The following EYA4 variants were observed in gnomAD, a reference collection of about 807,000 sequenced individuals.
EYA4 encodes the protein EYA transcriptional coactivator and phosphatase 4, also known as protein phosphatase EYA4.
EYA4 carries 31 observed loss-of-function variants against 87.9 expected under a neutral mutation model. That is an observed-to-expected ratio of 0.35 (90% CI 0.27 to 0.48). The LOEUF (loss-of-function observed/expected upper bound fraction) is 0.48, where lower values mean the gene tolerates loss of function less well. Among genes scored for constraint, EYA4 ranks in the 20% least tolerant of loss-of-function variants. The pLI is 0.99. For missense variants in EYA4, 678 were observed against 761.4 expected, an observed-to-expected ratio of 0.89 and a Z score of 1.29; for synonymous variants, 263 against 270.6, an observed-to-expected ratio of 0.97 and a Z score of 0.28.
At chr6:133,403,245 G>A (rs1788417507) in intron 3 of EYA4, among the ~76,000 whole-genome samples, 1 of 152,034 alleles carries the variant, frequency 6.6e-6, no homozygotes, top group African/African-American at 2.4e-5. Flanking sequence ...CATGATTCTG[G>A]GATTCTAATA....
chr6:133,328,385 C>T (rs934243899), intron 2 of EYA4, among the ~76,000 whole-genome samples: 6 of 152,002 alleles, frequency 3.9e-5, no homozygotes, highest in African/African-American at 1.2e-4. Context: ...CTCTAAGTAC[C>T]CTTCTCTTTA....
At chr6:133,475,218 T>C (rs1795620632) in intron 11 of EYA4, among the ~76,000 whole-genome samples, 1 of 152,082 alleles carries the variant, frequency 6.6e-6, no homozygotes, top group Admixed American at 6.6e-5. Context: ...TTTACTTCAT[T>C]CTCTTTCTAA....
intron 1 of EYA4, among the ~76,000 whole-genome samples, chr6:133,273,327 A>G (rs1241233020): frequency 6.6e-6 from 1 of 151,838 alleles, no homozygotes; most frequent in Non-Finnish European, 1.5e-5. Flanking sequence ...TGCCTGCTTT[A>G]TATTCGCTGG....
chr6:133,348,955 T>C (rs1783426988), intron 2 of EYA4, among the ~76,000 whole-genome samples: 1 of 152,046 alleles, frequency 6.6e-6, no homozygotes, highest in African/African-American at 2.4e-5. Context: ...ACAGTGGCCT[T>C]TGAGGCTCTA....
At position 133,480,197 on chromosome 6, in the gene EYA4, A is replaced by T. The variant is rs150776541; in HGVS notation, c.971-1266A>T. On this transcript the variant is annotated intron_variant, in intron 11 of 19. Coordinates refer to ENST00000355286, the MANE Select transcript of EYA4 (RefSeq NM_004100.5). The stretch of plus-strand genomic sequence containing the variant: ...GTCCATGTTTTCTAGATGGAGATGG[A>T]CTGATCGGAGTGATTCTAGAACTAG... Among the ~76,000 whole-genome samples, 15 of 152,328 alleles carry T rather than the reference A, an allele frequency of 9.8e-5. 1 individual carries two copies. In the East Asian group the frequency reaches 2.1e-3, roughly 22 times the overall value.
chr6:133,254,785 T>C (rs561162741), intron 1 of EYA4, among the ~76,000 whole-genome samples: 52 of 152,324 alleles, frequency 3.4e-4, no homozygotes, highest in African/African-American at 1.2e-3. Flanking sequence ...CCTTCCATTT[T>C]GCAGATGAGA....
intron 4 of EYA4, among the ~76,000 whole-genome samples, chr6:133,447,072 C>T (rs529188094): frequency 5.9e-5 from 9 of 152,224 alleles, no homozygotes; most frequent in African/African-American, 2.2e-4. Context: ...GATTTCCACC[C>T]TGGTATTAGC....
chr6:133,345,379 A>G (rs1783114827), intron 2 of EYA4, among the ~76,000 whole-genome samples: 1 of 152,192 alleles, frequency 6.6e-6, no homozygotes, highest in Non-Finnish European at 1.5e-5. Context: ...TATGAGGAGT[A>G]TGCGTAGTAA....
At chr6:133,294,316 G>A (rs1420804906) in intron 2 of EYA4, among the ~76,000 whole-genome samples, 2 of 149,986 alleles carry the variant, frequency 1.3e-5, no homozygotes, top group African/African-American at 4.9e-5. Flanking sequence ...TAAAGAAAAA[G>A]GATATTCTTG....
At chr6:133,375,825 A>T (rs2128470140) in intron 2 of EYA4, among the ~76,000 whole-genome samples, 1 of 151,996 alleles carries the variant, frequency 6.6e-6, no homozygotes, top group South Asian at 2.1e-4. Context: ...ATAGCCATGG[A>T]CATTTCAAGA....
At chr6:133,342,099 T>C (rs1583009302) in intron 2 of EYA4, among the ~76,000 whole-genome samples, 1 of 151,974 alleles carries the variant, frequency 6.6e-6, no homozygotes, top group Admixed American at 6.5e-5. Context: ...GGGTAACTTA[T>C]GGACCCTAAG....
At chr6:133,409,541 A>G (rs977200956) in intron 3 of EYA4, among the ~76,000 whole-genome samples, 2 of 152,114 alleles carry the variant, frequency 1.3e-5, no homozygotes, top group Non-Finnish European at 2.9e-5. Flanking sequence ...GGTAATTTAA[A>G]TGGATATTTT....
At position 133,394,282 on chromosome 6, in the gene EYA4, G is replaced by GTATTT. The variant is rs1562368948; in HGVS notation, c.83+11842_83+11843insATTTT. 7.0e-4 allele frequency among the ~76,000 whole-genome samples: 75 copies of GTATTT among 107,810 alleles called. 19 individuals carry two copies. Among genetic ancestry groups the GTATTT allele is most frequent in the East Asian group, 1.6e-3 (6 of 3,702 alleles). 70.7% of individuals were successfully genotyped at this position (107,810 alleles called of 152,430 possible). A position where few individuals can be genotyped will look rare whatever the true frequency, so the allele number is the denominator to read the frequency against. Reference sequence around the variant, plus strand: ...GTTGGAAAAATGTATATATAAGCTTGTGTTTTTTTTTTTTTTTTTTTTTTT... The same window carrying GTATTT: ...GTTGGAAAAATGTATATATAAGCTTGTATTTTGTTTTTTTTTTTTTTTTTTTTTTT... On this transcript the variant is annotated intron_variant, in intron 3 of 19. Transcript: ENST00000355286.
Position 133,512,976 on chromosome 6 carries a change from A to T in EYA4, c.1439A>T (p.Lys480Met). Residue 480 changes from lysine to methionine, a missense_variant, in exon 16 of 20, where the codon AAG becomes ATG. Transcript: ENST00000355286. The part of the protein sequence containing the change: ...GVRGGVDWMR[K>M]LAFRYRRVKE... Reference sequence around the variant, plus strand: ...AGAGGAGGGGTTGACTGGATGAGGAAGTTGGCTTTTCGTTACAGAAGAGTA... The same window carrying T: ...AGAGGAGGGGTTGACTGGATGAGGATGTTGGCTTTTCGTTACAGAAGAGTA... 1 of 1,614,108 alleles carries T rather than the reference A, an allele frequency of 6.2e-7. No homozygotes were observed. The highest frequency in any genetic ancestry group is 8.5e-7 in the Non-Finnish European group (1 of 1,179,984).
chr6:133,461,394 T>C (rs923788423), intron 7 of EYA4, among the ~76,000 whole-genome samples: 17 of 152,168 alleles, frequency 1.1e-4, no homozygotes, highest in Non-Finnish European at 1.5e-4. Context: ...ATACATTGCA[T>C]TTTAATTCAA....
At chr6:133,266,307 C>CAG (rs1366445777) in intron 1 of EYA4, among the ~76,000 whole-genome samples, 3 of 152,130 alleles carry the variant, frequency 2.0e-5, no homozygotes, top group African/African-American at 7.2e-5. Context: ...ACAATGAAGG[C>CAG]AGAGATTGGA....
At position 133,481,558 on chromosome 6, in the gene EYA4, C is replaced by G. The variant is rs776882781; in HGVS notation, c.1066C>G (p.Arg356Gly). The G allele has an allele frequency of 1.9e-6, 3 of 1,613,888 alleles. No homozygotes were observed. Among genetic ancestry groups the G allele is most frequent in the Non-Finnish European group, 2.5e-6 (3 of 1,179,908 alleles). Residue 356 changes from arginine (R) to glycine (G), a missense_variant, in exon 12 of 20, where the codon CGG becomes GGG. Transcript: ENST00000355286. ...TGGGTCAAAGTCCAGAGGAAGAGGC[C>G]GGAAAAATAATCCCTCCCCGCCTCC... ...SSGSKSRGRG[R>G]KNNPSPPPDS...
chr6:133,511,355 TG>T (rs1799119554), intron 14 of EYA4, among the ~76,000 whole-genome samples: 1 of 152,098 alleles, frequency 6.6e-6, no homozygotes, highest in Non-Finnish European at 1.5e-5. Context: ...CTAAGCACTA[TG>T]TATATAGTCA....
At chr6:133,363,925 TC>T (rs761823895) in intron 2 of EYA4, among the ~76,000 whole-genome samples, 7 of 152,184 alleles carry the variant, frequency 4.6e-5, no homozygotes, top group Non-Finnish European at 8.8e-5. Context: ...CATCTTAACC[TC>T]ACTTGAGAAA....
Sources: allele counts gnomAD v4.1 joint callset (sites outside exome capture counted in the v4.1 genomes callset), GRCh38; gene constraint gnomAD v4.1.1; transcripts MANE v1.5; gene names NCBI Gene and HGNC (gene_info 2026-07-23, HGNC 2026-07-21).